The following AKAP10 variants were observed in gnomAD, a reference collection of about 807,000 sequenced individuals.
The protein encoded by AKAP10 is A-kinase anchoring protein 10, also known as A-kinase anchor protein 10, mitochondrial.
A neutral mutation model predicts 80.8 loss-of-function variants in AKAP10; 24 were observed. The observed-to-expected ratio is 0.30, with a 90% CI of 0.22 to 0.42. AKAP10 has a LOEUF of 0.42. Among genes scored for constraint, AKAP10 ranks in the 10% least tolerant of loss-of-function variants. AKAP10 has a pLI of 1.00. For synonymous variants in AKAP10, 291 were observed against 277.7 expected (o/e 1.05, Z -0.48); for missense variants, 661 against 794.9 (o/e 0.83, Z 2.03).
intron 5 of AKAP10, among the ~76,000 whole-genome samples, chr17:19,943,577 T>A (rs1286869189): frequency 6.6e-6 from 1 of 152,232 alleles, no homozygotes; most frequent in Non-Finnish European, 1.5e-5. Context: ...CATGCATCTC[T>A]TCCATCTGCC....
intron 12 of AKAP10, among the ~76,000 whole-genome samples, chr17:19,913,176 CAG>C (rs2042709745): frequency 8.0e-6 from 1 of 124,320 alleles, no homozygotes; most frequent in African/African-American, 3.1e-5. Flanking sequence ...TTTTTTGAGA[CAG>C]AGTCTCCCTC....
intron 1 of AKAP10, among the ~76,000 whole-genome samples, chr17:19,970,199 A>G (rs1249376528): frequency 6.6e-6 from 1 of 152,116 alleles, no homozygotes; most frequent in Non-Finnish European, 1.5e-5. Context: ...TTCCCTCATG[A>G]ATGACACTGT....
At chr17:19,921,901 A>C (rs1456903396) in intron 11 of AKAP10, among the ~76,000 whole-genome samples, 1 of 152,198 alleles carries the variant, frequency 6.6e-6, no homozygotes, top group Non-Finnish European at 1.5e-5. Flanking sequence ...AGTGTAGTTA[A>C]AATGAAGTAA....
chr17:19,940,824 C>T, intron 7 of AKAP10, 63 bp downstream of exon 7: 2 of 1,503,634 alleles, frequency 1.3e-6, no homozygotes, highest in South Asian at 1.4e-5. Flanking sequence ...AGACAGGGCC[C>T]CAGCATTGAT....
Position 19,924,368 on chromosome 17 carries a change from A to G in AKAP10, c.1751+40T>C, listed in dbSNP as rs760541368. On this transcript the variant is annotated intron_variant, in intron 11 of 14. Coordinates refer to ENST00000225737, the MANE Select transcript of AKAP10 (RefSeq NM_007202.4). ...TAAAAAATTTAAAAGATGCAAAGTTATTTACACTTGTAAAAATTCTAGGCA... is the reference window on the plus strand; with the variant it reads ...TAAAAAATTTAAAAGATGCAAAGTTGTTTACACTTGTAAAAATTCTAGGCA... The G allele has an allele frequency of 2.2e-6, 3 of 1,390,246 alleles. No individual in the cohort carries two copies. In the African/African-American group the frequency reaches 4.4e-5, roughly 20 times the overall value. 86.1% of individuals were successfully genotyped at this position (1,390,246 alleles called of 1,614,324 possible).
chr17:19,976,699 G>A (rs888164099), intron 1 of AKAP10, among the ~76,000 whole-genome samples: 17 of 152,108 alleles, frequency 1.1e-4, no homozygotes, highest in Admixed American at 1.0e-3. Flanking sequence ...TGTATTTTTA[G>A]TAGACACGGG....
At chr17:19,913,000 CAG>C (rs2042706655) in intron 12 of AKAP10, among the ~76,000 whole-genome samples, 1 of 149,842 alleles carries the variant, frequency 6.7e-6, no homozygotes, top group African/African-American at 2.5e-5. Context: ...TTTTTTAAGA[CAG>C]AGTCTCACTC....
At chr17:19,963,047 A>G (rs1024348248) in intron 2 of AKAP10, 25 bp from the exon 3 acceptor site, 1 of 1,570,766 alleles carries the variant, frequency 6.4e-7, no homozygotes, top group Middle Eastern at 1.7e-4. Flanking sequence ...AAAATTGTTA[A>G]GAATTAAACA....
chr17:19,970,742 G>A (rs1287709843), intron 1 of AKAP10, among the ~76,000 whole-genome samples: 1 of 151,976 alleles, frequency 6.6e-6, no homozygotes, highest in Non-Finnish European at 1.5e-5. Context: ...AGAATCGCTT[G>A]AACCCGGGAG....
At chr17:19,935,777 T>G (rs1459746897) in intron 9 of AKAP10, among the ~76,000 whole-genome samples, 2 of 152,132 alleles carry the variant, frequency 1.3e-5, no homozygotes, top group Non-Finnish European at 2.9e-5. Context: ...AGCCGTCATC[T>G]CCTTTGATAA....
chr17:19,974,847 T>A (rs555928134), intron 1 of AKAP10, among the ~76,000 whole-genome samples: 2 of 152,006 alleles, frequency 1.3e-5, no homozygotes, highest in African/African-American at 4.8e-5. Context: ...ATTTATTTTT[T>A]CTTTTTGTAG....
At chr17:19,928,670 A>G (rs1296281215) in intron 10 of AKAP10, among the ~76,000 whole-genome samples, 1 of 152,188 alleles carries the variant, frequency 6.6e-6, no homozygotes, top group Admixed American at 6.5e-5. Flanking sequence ...TGAGGTCAAG[A>G]GTTCGAGACC....
intron 4 of AKAP10, among the ~76,000 whole-genome samples, chr17:19,947,723 T>C (rs963616712): frequency 1.3e-5 from 2 of 152,196 alleles, no homozygotes; most frequent in Admixed American, 1.3e-4. Context: ...AAACTATGCA[T>C]GAATTTCAAA....
rs199727421 is a variant in AKAP10 at position 19,912,981 on chromosome 17, C to T, written c.1835-3003G>A. Among the ~76,000 whole-genome samples the T allele has an allele frequency of 2.7e-3, 385 of 141,580 alleles. 15 individuals carry two copies. The East Asian group carries it at 0.074, about 27-fold the overall frequency. 92.9% of individuals were successfully genotyped at this position (141,580 alleles called of 152,430 possible). On this transcript the variant is annotated intron_variant, in intron 12 of 14. Transcript: ENST00000225737. ...TCCACATTCCTCAATTTCTTTCTTT[C>T]TTTTTTTTTTTTTTAAGACAGAGTC...
rs1005795659 is a variant in AKAP10, at chr17:19,924,451, C to G, written c.1708G>C (p.Ala570Pro). The G allele has an allele frequency of 1.9e-6, 3 of 1,607,058 alleles. No homozygotes were observed. The African/African-American group carries it at 4.0e-5, about 22-fold the overall frequency. ...TATAAAGATTCTGGATCCAGACTTGCCGCATCCACAATTATCGCTTCATCA... is the reference window on the plus strand; with the variant it reads ...TATAAAGATTCTGGATCCAGACTTGGCGCATCCACAATTATCGCTTCATCA... Reference protein sequence around the residue: ...NFDEAIIVDAASLDPESLYQR... With the variant: ...NFDEAIIVDAPSLDPESLYQR... Residue 570 changes from alanine (A) to proline (P), a missense_variant, in exon 11 of 15, where the codon GCA (alanine) becomes CCA (proline). Ala to Pro is a conservative substitution (Grantham distance 27). Coordinates refer to ENST00000225737, the MANE Select transcript of AKAP10 (RefSeq NM_007202.4).
intron 4 of AKAP10, among the ~76,000 whole-genome samples, chr17:19,953,620 A>C (rs2043239713): frequency 6.6e-6 from 1 of 152,222 alleles, no homozygotes; most frequent in South Asian, 2.1e-4. Flanking sequence ...AATACAATTA[A>C]TTACTCAAAG....
chr17:19,913,178 G>A (rs1168137007), intron 12 of AKAP10, among the ~76,000 whole-genome samples: 5 of 134,398 alleles, frequency 3.7e-5, no homozygotes, highest in African/African-American at 1.4e-4. Flanking sequence ...TTTTGAGACA[G>A]AGTCTCCCTC....
At chr17:19,963,878 G>A (rs953288850) in intron 2 of AKAP10, among the ~76,000 whole-genome samples, 2 of 151,558 alleles carry the variant, frequency 1.3e-5, no homozygotes, top group African/African-American at 2.4e-5. Flanking sequence ...CCTGAGCAAC[G>A]GGAGTGAAAC....
intron 4 of AKAP10, among the ~76,000 whole-genome samples, chr17:19,955,253 G>A (rs1242217893): frequency 6.6e-6 from 1 of 151,964 alleles, no homozygotes; most frequent in Non-Finnish European, 1.5e-5. Flanking sequence ...AAAGAGAAAA[G>A]GCAAAGCTAT....
Sources: gnomAD v4.1 joint callset for allele counts (sites outside exome capture counted in the v4.1 genomes callset) on GRCh38, gnomAD v4.1.1 for gene constraint, MANE v1.5 for transcripts, NCBI Gene and HGNC (gene_info 2026-07-23, HGNC 2026-07-21) for gene names.